SPTAN1: variants seen among roughly 807,000 people sequenced by gnomAD.
SPTAN1 encodes the protein spectrin alpha chain, non-erythrocytic 1.
Under a neutral mutation model 331.3 loss-of-function variants are expected in SPTAN1, and 61 were observed. That is an observed-to-expected ratio of 0.18 (90% CI 0.15 to 0.23). The LOEUF is 0.23. Among genes scored for constraint, SPTAN1 ranks in the 10% least tolerant of loss-of-function variants. The probability of loss-of-function intolerance (pLI) is 1.00; values close to 1 mark genes in which losing one functional copy is unlikely to be tolerated. For synonymous variants in SPTAN1, 1,153 were observed against 1,173.9 expected (o/e 0.98, Z 0.36); for missense variants, 2,043 against 3,147.9 (o/e 0.65, Z 8.40).
intron 22 of SPTAN1, among the ~76,000 whole-genome samples, chr9:128,592,149 C>T (rs1244920377): frequency 6.6e-6 from 1 of 152,102 alleles, no homozygotes; most frequent in Non-Finnish European, 1.5e-5. Flanking sequence ...GAAATACATT[C>T]CCACTAGAGT....
Position 128,582,574 on chromosome 9 carries a change from T to A in SPTAN1, c.1650+18T>A. ...GAGATGCTGTAAGTTTGTAGGTTCT[T>A]CATGCTCCTCCTTTTTGGTACATGA... On this transcript the variant is annotated intron_variant, in intron 13 of 56. Transcript: ENST00000372739. The A allele has an allele frequency of 6.2e-7, 1 of 1,613,226 alleles. No individual in the cohort carries two copies. The highest frequency in any genetic ancestry group is 1.3e-5 in the African/African-American group (1 of 75,050).
At chr9:128,593,702 A>G (rs1478335752) in intron 23 of SPTAN1, 1 of 214,268 alleles carries the variant, frequency 4.7e-6, no homozygotes, top group Non-Finnish European at 9.5e-6. Context: ...GAGATAAAAC[A>G]TCCTATATGA....
At chr9:128,616,858 G>C (rs1279175876) in intron 41 of SPTAN1, among the ~76,000 whole-genome samples, 1 of 152,006 alleles carries the variant, frequency 6.6e-6, no homozygotes, top group Non-Finnish European at 1.5e-5. Context: ...TTTGAACCTG[G>C]GAAGTGGAGA....
chr9:128,559,811 T>C (rs1269328429), intron 1 of SPTAN1, among the ~76,000 whole-genome samples: 1 of 151,952 alleles, frequency 6.6e-6, no homozygotes, highest in African/African-American at 2.4e-5. Flanking sequence ...CTTGGCTCAC[T>C]GCAACCTCTG....
intron 19 of SPTAN1, among the ~76,000 whole-genome samples, chr9:128,586,211 T>G (rs1852615480): frequency 7.0e-6 from 1 of 142,884 alleles, no homozygotes; most frequent in Non-Finnish European, 1.5e-5. Flanking sequence ...CTCAAACTCC[T>G]GGGCTCAAGC....
At chr9:128,581,481 AAAAAAAACAAAC>A (rs1295071550) in intron 11 of SPTAN1, among the ~76,000 whole-genome samples, 1 of 151,298 alleles carries the variant, frequency 6.6e-6, no homozygotes, top group Non-Finnish European at 1.5e-5. Context: ...TCACAAAAAA[AAAAAAAACAAAC>A]AAAAAAAACA....
chr9:128,571,312 C>T (rs1287861616), intron 3 of SPTAN1, among the ~76,000 whole-genome samples: 4 of 150,590 alleles, frequency 2.7e-5, no homozygotes, highest in Admixed American at 2.6e-4. Context: ...AGGCCAGGCA[C>T]AGTGGCTCAT....
rs755740619 is a variant in SPTAN1, at chr9:128,611,677, G to A, written c.4774-37G>A. 2.2e-5 allele frequency: 36 copies of A among 1,611,810 alleles called. 1 individual carries two copies. In the South Asian group the frequency reaches 4.0e-4, roughly 18 times the overall value. ...CCCCCTGAAAAGACATAACCTAGCA[G>A]GAACTGGTTTGGAAAAAATTTTTTT... On this transcript the variant is annotated intron_variant, in intron 37 of 56. Transcript: ENST00000372739.
rs997610455 is a variant in SPTAN1, at chr9:128,588,704, A to G, written c.2872-105A>G. 6 of 1,479,792 alleles carry G rather than the reference A, an allele frequency of 4.1e-6. No individual in the cohort carries two copies. In the African/African-American group the frequency reaches 5.5e-5, roughly 14 times the overall value. The allele number at this position is 1,479,792 out of a possible 1,614,324, so 91.7% of individuals were successfully genotyped here. A position where few individuals can be genotyped will look rare whatever the true frequency, so the allele number is the denominator to read the frequency against. On this transcript the variant is annotated intron_variant, in intron 20 of 56. Coordinates refer to ENST00000372739, the MANE Select transcript of SPTAN1 (RefSeq NM_001130438.3). Reference sequence around the variant, plus strand: ...CAGTGAAGAATTCTCATGAGTGTATATTTGGTACATTTGGTACAGCTGGTG... The same window carrying G: ...CAGTGAAGAATTCTCATGAGTGTATGTTTGGTACATTTGGTACAGCTGGTG...
At chr9:128,569,047 C>T in intron 3 of SPTAN1, 150 bp downstream of exon 3, 1 of 1,022,526 alleles carries the variant, frequency 9.8e-7, no homozygotes, top group South Asian at 1.4e-5. Flanking sequence ...TACCCGAATC[C>T]TGCCTTTGTA....
At chr9:128,569,059 T>C (rs1037617067) in intron 3 of SPTAN1, among the ~76,000 whole-genome samples, 162 bp downstream of exon 3, 9 of 152,212 alleles carry the variant, frequency 5.9e-5, no homozygotes, top group African/African-American at 2.2e-4. Flanking sequence ...GCCTTTGTAA[T>C]ATGACAGCAT....
At chr9:128,586,111 G>A (rs74856439) in intron 19 of SPTAN1, 146 bp downstream of exon 19, 34 of 430,112 alleles carry the variant, frequency 7.9e-5, no homozygotes, top group Non-Finnish European at 1.3e-4. Context: ...TTTTTCACTT[G>A]GTTTTTTTTT....
At chr9:128,606,176 C>G (rs915984307) in intron 31 of SPTAN1, among the ~76,000 whole-genome samples, 20 of 151,478 alleles carry the variant, frequency 1.3e-4, no homozygotes, top group Admixed American at 2.6e-4. Flanking sequence ...TCAGGACCAG[C>G]CTGGCCAATA....
At chr9:128,558,983 AAG>A (rs916029158) in intron 1 of SPTAN1, among the ~76,000 whole-genome samples, 2 of 152,216 alleles carry the variant, frequency 1.3e-5, no homozygotes, top group African/African-American at 2.4e-5. Flanking sequence ...CTGTCAGGTT[AAG>A]AGGGGGGAAA....
chr9:128,555,609 A>T (rs1056491253), intron 1 of SPTAN1, among the ~76,000 whole-genome samples: 25 of 139,552 alleles, frequency 1.8e-4, no homozygotes, highest in Non-Finnish European at 3.5e-4. Flanking sequence ...TTACTTGAAA[A>T]TTTGCAAAGC....
chr9:128,632,038 A>G, intron 52 of SPTAN1, 89 bp from the exon 53 acceptor site: 1 of 1,395,674 alleles, frequency 7.2e-7, no homozygotes, highest in Non-Finnish European at 1.0e-6. Context: ...CCAGGCCTGG[A>G]GCAGGAACCA....
rs541948030 is a variant in SPTAN1 at position 128,558,536 on chromosome 9, C to T, written c.-4+5840C>T. Among the ~76,000 whole-genome samples the T allele has an allele frequency of 6.6e-5, 10 of 152,248 alleles. No individual in the cohort carries two copies. In the East Asian group the frequency reaches 1.9e-3, roughly 29 times the overall value. On this transcript the variant is annotated intron_variant, in intron 1 of 56. Transcript: ENST00000372739. ...TCAGTTGATTGCATTCCTAGGAAGT[C>T]GTCTCTGTTGTGGTTTTTAGGCAGT...
At chr9:128,601,244 A>G (rs1485532237) in intron 27 of SPTAN1, 1 of 151,956 alleles carries the variant, frequency 6.6e-6, no homozygotes, top group African/African-American at 2.4e-5. Flanking sequence ...CGGCCTCCCA[A>G]AGTGTTGGGA....
intron 27 of SPTAN1, among the ~76,000 whole-genome samples, chr9:128,601,802 C>T (rs1855187023): frequency 6.6e-6 from 1 of 152,190 alleles, no homozygotes; most frequent in South Asian, 2.1e-4. Context: ...AGGACCTAGG[C>T]TGAGAGGGGT....
Sources: allele counts gnomAD v4.1 joint callset (sites outside exome capture counted in the v4.1 genomes callset), GRCh38; gene constraint gnomAD v4.1.1; transcripts MANE v1.5; gene names NCBI Gene and HGNC (gene_info 2026-07-23, HGNC 2026-07-21).